Variants in PTPRD observed in about 807,000 individuals in gnomAD.
The protein encoded by PTPRD is receptor-type tyrosine-protein phosphatase delta.
Under a neutral mutation model 214.5 loss-of-function variants are expected in PTPRD, and 34 were observed. The observed-to-expected ratio is 0.16, with a 90% CI of 0.12 to 0.21. PTPRD has a LOEUF of 0.21. Among genes scored for constraint, PTPRD ranks in the 10% least tolerant of loss-of-function variants. The probability of loss-of-function intolerance (pLI) is 1.00; values close to 1 mark genes in which losing one functional copy is unlikely to be tolerated. For synonymous variants in PTPRD, 1,128 were observed against 845.7 expected (o/e 1.33, Z -5.79); for missense variants, 2,545 against 2,398.7 (o/e 1.06, Z -1.27).
At chr9:8,735,589 T>A (rs1012439493) in intron 11 of PTPRD, among the ~76,000 whole-genome samples, 8 of 152,100 alleles carry the variant, frequency 5.3e-5, no homozygotes, top group Non-Finnish European at 1.2e-4. Flanking sequence ...CATCTTCTAT[T>A]AGGAAAACCA....
In PTPRD at chr9:9,339,266, A is replaced by AG. The variant is rs1256533435; in HGVS notation, c.-203+58182dup. On this transcript the variant is annotated intron_variant, in intron 9 of 45. Transcript: ENST00000381196. ...GCCGAGGCAGGTGGATCACGAGGTC[A>AG]GGAGATCGAGACCATCCTGGCTAAC... 3.9e-5 allele frequency among the ~76,000 whole-genome samples: 6 copies of AG among 151,900 alleles called. No individual in the cohort carries two copies. In the East Asian group the frequency reaches 9.7e-4, roughly 25 times the overall value.
intron 7 of PTPRD, among the ~76,000 whole-genome samples, chr9:9,630,125 G>A (rs1013449652): frequency 2.0e-5 from 3 of 152,168 alleles, no homozygotes; most frequent in Non-Finnish European, 2.9e-5. Flanking sequence ...TAGGGGAGAT[G>A]TGCCAGCACA....
At chr9:8,754,965 T>C (rs1229404558) in intron 11 of PTPRD, among the ~76,000 whole-genome samples, 2 of 151,966 alleles carry the variant, frequency 1.3e-5, no homozygotes, top group Admixed American at 6.6e-5. Flanking sequence ...GACTGAACAA[T>C]GTTAGCCATT....
chr9:10,553,141 T>C (rs1283023171), intron 2 of PTPRD, among the ~76,000 whole-genome samples: 1 of 152,130 alleles, frequency 6.6e-6, no homozygotes, highest in Non-Finnish European at 1.5e-5. Flanking sequence ...TATATTCCTG[T>C]CCATCCAGCC....
chr9:10,045,628 A>G (rs2097374081), intron 3 of PTPRD, among the ~76,000 whole-genome samples: 1 of 151,748 alleles, frequency 6.6e-6, no homozygotes, highest in African/African-American at 2.4e-5. Flanking sequence ...TGAATAAAAT[A>G]CATTTAGCTA....
At chr9:10,436,576 T>C (rs2098719425) in intron 2 of PTPRD, among the ~76,000 whole-genome samples, 1 of 151,564 alleles carries the variant, frequency 6.6e-6, no homozygotes, top group Admixed American at 6.6e-5. Flanking sequence ...GTATTCTTAC[T>C]ATAATCTTTT....
intron 9 of PTPRD, among the ~76,000 whole-genome samples, chr9:9,207,694 C>G (rs997980752): frequency 2.6e-5 from 4 of 152,120 alleles, no homozygotes; most frequent in Admixed American, 2.6e-4. Flanking sequence ...CCTAGAAATG[C>G]TAATTCCAGT....
At chr9:9,366,555 T>G (rs971150145) in intron 9 of PTPRD, among the ~76,000 whole-genome samples, 8 of 151,518 alleles carry the variant, frequency 5.3e-5, no homozygotes, top group African/African-American at 1.9e-4. Flanking sequence ...GCTCCTAAAC[T>G]GAAATGAATA....
At chr9:9,424,295 G>C (rs1433225708) in intron 8 of PTPRD, among the ~76,000 whole-genome samples, 12 of 152,186 alleles carry the variant, frequency 7.9e-5, no homozygotes, top group Admixed American at 5.2e-4. Flanking sequence ...TTATCTCAGA[G>C]TCTATTTCCT....
At chr9:8,787,145 T>G (rs934450261) in intron 11 of PTPRD, among the ~76,000 whole-genome samples, 3 of 152,134 alleles carry the variant, frequency 2.0e-5, no homozygotes, top group African/African-American at 7.2e-5. Flanking sequence ...CTGAGAAAAC[T>G]ATATTAAACA....
At chr9:9,010,023 G>A (rs1488246761) in intron 11 of PTPRD, among the ~76,000 whole-genome samples, 1 of 152,020 alleles carries the variant, frequency 6.6e-6, no homozygotes, top group Non-Finnish European at 1.5e-5. Flanking sequence ...AACATGACCA[G>A]CCTGACAAAG....
intron 3 of PTPRD, among the ~76,000 whole-genome samples, chr9:10,130,459 AT>A (rs2098855885): frequency 6.6e-6 from 1 of 152,060 alleles, no homozygotes; most frequent in African/African-American, 2.4e-5. Context: ...ATCTATAGTT[AT>A]TGAAAATATT....
intron 10 of PTPRD, among the ~76,000 whole-genome samples, chr9:9,087,448 T>G (rs1485992921): frequency 1.3e-5 from 2 of 152,190 alleles, no homozygotes; most frequent in Non-Finnish European, 2.9e-5. Context: ...GCCACTGTAC[T>G]CCTGCATACT....
chr9:10,412,830 T>C lies in PTPRD; in HGVS notation c.-599-71813A>G, dbSNP rs548524388. Among the ~76,000 whole-genome samples the C allele has an allele frequency of 2.0e-5, 3 of 151,988 alleles. No homozygotes were observed. The South Asian group carries it at 6.2e-4, about 32-fold the overall frequency. On this transcript the variant is annotated intron_variant, in intron 2 of 45. Coordinates refer to ENST00000381196, the MANE Select transcript of PTPRD (RefSeq NM_002839.4). ...CGTACACAAATCAATAAAAGTGTGA[T>C]TCATCACATAAAGAGAAGTAAAGGC...
chr9:9,688,865 GT>G (rs961915958), intron 7 of PTPRD, among the ~76,000 whole-genome samples: 4 of 150,726 alleles, frequency 2.7e-5, no homozygotes, highest in East Asian at 1.9e-4. Context: ...GGGGGTACTT[GT>G]TTTTTTTTAA....
At chr9:9,374,602 G>T (rs1226883455) in intron 9 of PTPRD, among the ~76,000 whole-genome samples, 1 of 152,132 alleles carries the variant, frequency 6.6e-6, no homozygotes, top group Non-Finnish European at 1.5e-5. Flanking sequence ...AGTCTTAGAA[G>T]GCCTTAATGT....
At chr9:8,736,515 T>C (rs1358871584) in intron 11 of PTPRD, among the ~76,000 whole-genome samples, 3 of 152,182 alleles carry the variant, frequency 2.0e-5, no homozygotes, top group Non-Finnish European at 4.4e-5. Flanking sequence ...CTAAAATAAC[T>C]TGTACTTTAA....
At chr9:9,000,077 G>A (rs532234398) in intron 11 of PTPRD, among the ~76,000 whole-genome samples, 4 of 152,116 alleles carry the variant, frequency 2.6e-5, no homozygotes, top group Admixed American at 1.3e-4. Context: ...GGCTCTGTGT[G>A]TAGCTTCAGC....
intron 5 of PTPRD, among the ~76,000 whole-genome samples, chr9:9,782,139 G>A (rs537311906): frequency 2.6e-5 from 4 of 152,054 alleles, no homozygotes; most frequent in Admixed American, 2.0e-4. Flanking sequence ...TTTGACTCCC[G>A]GTGGTTGCTT....
Sources: allele counts gnomAD v4.1 joint callset (sites outside exome capture counted in the v4.1 genomes callset), GRCh38; gene constraint gnomAD v4.1.1; transcripts MANE v1.5; gene names NCBI Gene and HGNC (gene_info 2026-07-23, HGNC 2026-07-21).